Variants in PAN3 observed in about 807,000 individuals in gnomAD.
PAN3 encodes poly(A) specific ribonuclease subunit PAN3.
PAN3 carries 19 observed loss-of-function variants against 96.2 expected under a neutral mutation model. That is an observed-to-expected ratio of 0.20 (90% confidence interval 0.14 to 0.29). The LOEUF is 0.29. PAN3 is among the 10% of genes least tolerant of loss of function. PAN3 has a pLI of 1.00. For synonymous variants in PAN3, 433 were observed against 406.6 expected (o/e 1.06, Z -0.78); for missense variants, 882 against 1,108.1 (o/e 0.80, Z 2.90).
intron 1 of PAN3, among the ~76,000 whole-genome samples, chr13:28,165,789 C>T (rs1307619510): frequency 6.6e-6 from 1 of 152,100 alleles, no homozygotes; most frequent in Non-Finnish European, 1.5e-5. Flanking sequence ...CTGATGAGGG[C>T]TGCTGTCTAT....
intron 1 of PAN3, among the ~76,000 whole-genome samples, chr13:28,171,244 AC>A (rs1874264997): frequency 6.6e-6 from 1 of 150,424 alleles, no homozygotes; most frequent in Non-Finnish European, 1.5e-5. Context: ...AATGGTTATT[AC>A]ACTAGAAAGG....
chr13:28,178,076 CCTTTTT>C, intron 4 of PAN3, 141 bp downstream of exon 4: 2 of 677,394 alleles, frequency 3.0e-6, no homozygotes, highest in Non-Finnish European at 4.9e-6. Context: ...TTTTGTTTAT[CCTTTTT>C]CTTTATCTTT....
Position 28,138,725 on chromosome 13 carries a change from C to CGGCGGT in PAN3, c.77_82dup (p.Ala26_Val27dup), listed in dbSNP as rs1869138606. The CGGCGGT allele has an allele frequency of 5.6e-6, 7 of 1,254,598 alleles. No individual in the cohort carries two copies. The highest frequency in any genetic ancestry group is 4.2e-5 in the Admixed American group (1 of 23,852). 77.7% of individuals were successfully genotyped at this position (1,254,598 alleles called of 1,614,324 possible). ...TCCCCTTCCTCCTCCTCGCTGGCGG[C>CGGCGGT]GGCGGTGGCGGTGGTGGCCCCGCCG... is the stretch of plus-strand genomic sequence containing the variant. On this transcript the variant is annotated inframe_insertion, in exon 1 of 19. Transcript: ENST00000380958.
At chr13:28,290,104 A>G (rs1205260201) in intron 18 of PAN3, among the ~76,000 whole-genome samples, 1 of 152,238 alleles carries the variant, frequency 6.6e-6, no homozygotes, top group Non-Finnish European at 1.5e-5. Flanking sequence ...AGCCTCGAAT[A>G]GTTTTACATT....
chr13:28,216,265 A>T (rs574361073), intron 5 of PAN3, among the ~76,000 whole-genome samples: 2 of 152,056 alleles, frequency 1.3e-5, no homozygotes, highest in Non-Finnish European at 2.9e-5. Flanking sequence ...AATTTTTAAA[A>T]ATGCAGACTA....
rs547349406 is a variant in PAN3, at chr13:28,294,157, T to A, written c.*1635T>A. The A allele has an allele frequency of 6.5e-6, 1 of 152,768 alleles. No homozygotes were observed. Among genetic ancestry groups the A allele is most frequent in the South Asian group, 2.1e-4 (1 of 4,824 alleles). 9.5% of individuals were successfully genotyped at this position (152,768 alleles called of 1,614,324 possible). A position where few individuals can be genotyped will look rare whatever the true frequency, so the allele number is the denominator to read the frequency against. ...TACACGTTTTAACAAGTATATTGAGTCCACGTTTGGTAGCATCAGTTGTTG... is the reference window on the plus strand; with the variant it reads ...TACACGTTTTAACAAGTATATTGAGACCACGTTTGGTAGCATCAGTTGTTG... On this transcript the variant is annotated 3_prime_UTR_variant, in exon 19 of 19. Transcript: ENST00000380958.
intron 7 of PAN3, among the ~76,000 whole-genome samples, chr13:28,259,526 T>TAC (rs1885511204): frequency 6.6e-6 from 1 of 151,942 alleles, no homozygotes; most frequent in Non-Finnish European, 1.5e-5. Context: ...GGATAATTTT[T>TAC]GTATTTTTAG....
At chr13:28,159,763 T>C (rs538982857) in intron 1 of PAN3, among the ~76,000 whole-genome samples, 5 of 151,990 alleles carry the variant, frequency 3.3e-5, no homozygotes, top group Admixed American at 6.6e-5. Context: ...TGGAGACTTA[T>C]TGAGCAGGGA....
chr13:28,211,568 G>T (rs1323583379), intron 5 of PAN3, among the ~76,000 whole-genome samples: 1 of 152,132 alleles, frequency 6.6e-6, no homozygotes. Context: ...ATTTGAAATG[G>T]TATTTGTAGA....
intron 7 of PAN3, among the ~76,000 whole-genome samples, chr13:28,259,626 T>C (rs910048317): frequency 3.3e-5 from 5 of 151,808 alleles, no homozygotes; most frequent in Non-Finnish European, 4.4e-5. Context: ...ATTTTTTTAA[T>C]TTTTTATTTT....
chr13:28,139,409 CG>C (rs1237551054), intron 1 of PAN3, among the ~76,000 whole-genome samples: 2 of 110,510 alleles, frequency 1.8e-5, no homozygotes, highest in Non-Finnish European at 2.0e-5. Context: ...GTGTCGTTTC[CG>C]GGGGGTGTGG....
At chr13:28,152,632 TC>T (rs1486653253) in intron 1 of PAN3, among the ~76,000 whole-genome samples, 1 of 151,796 alleles carries the variant, frequency 6.6e-6, no homozygotes, top group Non-Finnish European at 1.5e-5. Flanking sequence ...TACAGTTGAG[TC>T]CTTTTGTGAG....
chr13:28,144,495 G>A (rs938199739), intron 1 of PAN3, among the ~76,000 whole-genome samples: 1 of 151,958 alleles, frequency 6.6e-6, no homozygotes, highest in South Asian at 2.1e-4. Flanking sequence ...GATTACAGGC[G>A]TGAGCCACTG....
intron 1 of PAN3, among the ~76,000 whole-genome samples, chr13:28,171,319 A>T (rs1194906356): frequency 6.6e-6 from 1 of 152,084 alleles, no homozygotes; most frequent in Non-Finnish European, 1.5e-5. Context: ...AGAAGTGTGG[A>T]GTTTTTTTCC....
intron 4 of PAN3, among the ~76,000 whole-genome samples, chr13:28,188,182 C>CTTA (rs35000476): frequency 9.2e-5 from 14 of 152,122 alleles, no homozygotes; most frequent in African/African-American, 3.4e-4. Flanking sequence ...TCCTAAGGGT[C>CTTA]TTAGGTACAT....
At chr13:28,243,086 T>C (rs962340417) in intron 6 of PAN3, among the ~76,000 whole-genome samples, 1 of 152,228 alleles carries the variant, frequency 6.6e-6, no homozygotes, top group African/African-American at 2.4e-5. Context: ...CAAACAATGA[T>C]AGCTTTATTT....
chr13:28,227,344 C>T (rs1233067528), intron 6 of PAN3, among the ~76,000 whole-genome samples: 1 of 152,080 alleles, frequency 6.6e-6, no homozygotes, highest in East Asian at 1.9e-4. Context: ...TTGTGAACTT[C>T]CTGTTTAAAT....
chr13:28,228,130 A>G (rs1420028255), intron 6 of PAN3, among the ~76,000 whole-genome samples: 2 of 152,156 alleles, frequency 1.3e-5, no homozygotes, highest in African/African-American at 4.8e-5. Flanking sequence ...AGTGGAGAAG[A>G]TAGTATTTGT....
intron 5 of PAN3, chr13:28,214,647 A>G: frequency 2.3e-6 from 1 of 431,226 alleles, no homozygotes; most frequent in Non-Finnish European, 4.3e-6. Flanking sequence ...TTGGAAAAGG[A>G]GGCTGCTGAG....
Sources: gnomAD v4.1 joint callset for allele counts (sites outside exome capture counted in the v4.1 genomes callset) on GRCh38, gnomAD v4.1.1 for gene constraint, MANE v1.5 for transcripts, NCBI Gene and HGNC (gene_info 2026-07-23, HGNC 2026-07-21) for gene names.